Variants in PMS1 observed in about 807,000 individuals in gnomAD.
The protein encoded by PMS1 is PMS1 homolog 1, mismatch repair system component, also known as PMS1 protein homolog 1.
Under a neutral mutation model 93.1 loss-of-function variants are expected in PMS1, and 79 were observed. The ratio of observed to expected loss-of-function variants is 0.85; its 90% CI spans 0.71 to 1.02. The LOEUF is 1.02. Among genes scored for constraint, PMS1 ranks in the 50% least tolerant of loss-of-function variants. The probability of loss-of-function intolerance (pLI) is 0.00; values close to 1 mark genes in which losing one functional copy is unlikely to be tolerated. For missense variants in PMS1, 1,064 were observed against 1,085.3 expected, an observed-to-expected ratio of 0.98 and a Z score of 0.28; for synonymous variants, 335 against 363.4, an observed-to-expected ratio of 0.92 and a Z score of 0.89.
intron 6 of PMS1, among the ~76,000 whole-genome samples, chr2:189,849,084 C>G (rs983070721): frequency 3.3e-5 from 5 of 152,090 alleles, no homozygotes; most frequent in African/African-American, 1.2e-4. Context: ...TATCTCTTCC[C>G]ATAATGTGAG....
intron 6 of PMS1, among the ~76,000 whole-genome samples, chr2:189,847,967 C>CG (rs1194544455): frequency 6.6e-6 from 1 of 151,984 alleles, no homozygotes; most frequent in African/African-American, 2.4e-5. Context: ...TTTTCTTGGC[C>CG]GGGGGAAAAT....
chr2:189,842,239 G>A (rs945879256), intron 5 of PMS1, among the ~76,000 whole-genome samples: 2 of 151,784 alleles, frequency 1.3e-5, no homozygotes, highest in Non-Finnish European at 2.9e-5. Flanking sequence ...CTTCAAAAAC[G>A]TCCTTATTCT....
At chr2:189,805,867 G>A in intron 4 of PMS1, 113 bp downstream of exon 4, 1 of 1,552,570 alleles carries the variant, frequency 6.4e-7, no homozygotes, top group African/African-American at 1.4e-5. Context: ...GCTTGGTCCT[G>A]ATAAAGGCTA....
At chr2:189,790,048 TCAAATGC>T (rs2106204608) in intron 1 of PMS1, among the ~76,000 whole-genome samples, 1 of 152,318 alleles carries the variant, frequency 6.6e-6, no homozygotes, top group Admixed American at 6.5e-5. Flanking sequence ...ATAAAGGACC[TCAAATGC>T]CAACTTAGAG....
At chr2:189,811,310 G>A (rs2050828451) in intron 4 of PMS1, among the ~76,000 whole-genome samples, 3 of 150,990 alleles carry the variant, frequency 2.0e-5, no homozygotes, top group African/African-American at 7.3e-5. Context: ...TCTGAGGGCT[G>A]GGCACGGTGG....
At chr2:189,834,221 C>T (rs929107460) in intron 5 of PMS1, among the ~76,000 whole-genome samples, 1 of 152,152 alleles carries the variant, frequency 6.6e-6, no homozygotes, top group Non-Finnish European at 1.5e-5. Context: ...AAGACTGGTT[C>T]TTCGGAAAGA....
intron 4 of PMS1, among the ~76,000 whole-genome samples, chr2:189,811,282 A>G (rs896376639): frequency 5.9e-5 from 4 of 68,264 alleles, no homozygotes; most frequent in Non-Finnish European, 1.1e-4. Context: ...ACAAAATCTG[A>G]AAAAAAAAAA....
intron 5 of PMS1, among the ~76,000 whole-genome samples, chr2:189,819,549 T>G (rs2051640737): frequency 6.6e-6 from 1 of 152,208 alleles, no homozygotes; most frequent in Non-Finnish European, 1.5e-5. Context: ...ATCTGTTATT[T>G]TTCATCCTTT....
chr2:189,848,297 T>TGA (rs2054417939), intron 6 of PMS1, among the ~76,000 whole-genome samples: 1 of 152,230 alleles, frequency 6.6e-6, no homozygotes, highest in Non-Finnish European at 1.5e-5. Flanking sequence ...TGGCATCACC[T>TGA]GGAAGCTTAT....
At position 189,874,921 on chromosome 2, in the gene PMS1, A is replaced by G. The variant is rs933070626; in HGVS notation, c.2634+1265A>G. Among the ~76,000 whole-genome samples, 6 of 152,166 alleles carry G rather than the reference A, an allele frequency of 3.9e-5. No homozygotes were observed. In the East Asian group the frequency reaches 1.2e-3, roughly 29 times the overall value. The stretch of plus-strand genomic sequence containing the variant: ...TGTGGGGAGAAATAAGAGTTCAGAA[A>G]TAACAGGAATAAAGTAAATTGGGAC... On this transcript the variant is annotated intron_variant, in intron 12 of 12. Coordinates refer to ENST00000441310, the MANE Select transcript of PMS1 (RefSeq NM_000534.5).
chr2:189,857,349 C>A (rs1287870035), intron 9 of PMS1: 2 of 336,454 alleles, frequency 5.9e-6, no homozygotes, highest in African/African-American at 2.2e-5. Flanking sequence ...CCTTTCAGAG[C>A]CAGGGTTCCT....
At chr2:189,835,627 T>TG (rs1559277615) in intron 5 of PMS1, among the ~76,000 whole-genome samples, 2 of 152,172 alleles carry the variant, frequency 1.3e-5, no homozygotes, top group African/African-American at 4.8e-5. Context: ...AGTAAACTTA[T>TG]GGTACTTAAG....
intron 1 of PMS1, among the ~76,000 whole-genome samples, chr2:189,791,491 G>A (rs1177933313): frequency 6.6e-6 from 1 of 151,934 alleles, no homozygotes; most frequent in Non-Finnish European, 1.5e-5. Context: ...GTCCTGGTGG[G>A]CACCTGTAAT....
intron 12 of PMS1, among the ~76,000 whole-genome samples, chr2:189,875,449 G>A (rs561703743): frequency 6.6e-5 from 10 of 152,022 alleles, no homozygotes; most frequent in Non-Finnish European, 1.3e-4. Flanking sequence ...AGTTGGGGTC[G>A]GAAAAACATC....
intron 4 of PMS1, among the ~76,000 whole-genome samples, chr2:189,812,399 TAAAAC>T (rs1187842593): frequency 1.3e-5 from 2 of 152,032 alleles, no homozygotes; most frequent in Non-Finnish European, 2.9e-5. Flanking sequence ...TTCATACAAA[TAAAAC>T]AGAGAATCTC....
chr2:189,853,558 C>G (rs1006423911), intron 7 of PMS1, among the ~76,000 whole-genome samples: 2 of 150,592 alleles, frequency 1.3e-5, no homozygotes, highest in African/African-American at 4.9e-5. Flanking sequence ...TTGTTTTGCC[C>G]ATGCTGGAAT....
At chr2:189,796,363 A>G (rs147556469) in intron 3 of PMS1, among the ~76,000 whole-genome samples, 291 of 152,070 alleles carry the variant, frequency 1.9e-3, no homozygotes, top group African/African-American at 6.6e-3. Context: ...CTGTCTCAAA[A>G]AAATATATAT....
chr2:189,839,917 A>G (rs2053683683), intron 5 of PMS1, among the ~76,000 whole-genome samples: 1 of 152,178 alleles, frequency 6.6e-6, no homozygotes, highest in African/African-American at 2.4e-5. Context: ...TTAAGGGATT[A>G]AAATATGCTT....
At chr2:189,847,644 T>C (rs1248394152) in intron 6 of PMS1, among the ~76,000 whole-genome samples, 2 of 152,180 alleles carry the variant, frequency 1.3e-5, no homozygotes, top group Non-Finnish European at 2.9e-5. Context: ...GTCAGGTCTT[T>C]TTCCTCCAGT....
Sources: gnomAD v4.1 joint callset for allele counts (sites outside exome capture counted in the v4.1 genomes callset) on GRCh38, gnomAD v4.1.1 for gene constraint, MANE v1.5 for transcripts, NCBI Gene and HGNC (gene_info 2026-07-23, HGNC 2026-07-21) for gene names.